ERBB4: variants seen among roughly 807,000 people sequenced by gnomAD.
ERBB4 encodes receptor tyrosine-protein kinase erbB-4.
In ERBB4, 42 loss-of-function variants were observed where a neutral mutation model predicts 158.0. That is an observed-to-expected ratio of 0.27 (90% CI 0.21 to 0.34). The LOEUF (loss-of-function observed/expected upper bound fraction) is 0.34, where lower values mean the gene tolerates loss of function less well. Among genes scored for constraint, ERBB4 ranks in the 10% least tolerant of loss-of-function variants. The probability of loss-of-function intolerance (pLI) is 1.00; values close to 1 mark genes in which losing one functional copy is unlikely to be tolerated. For synonymous variants in ERBB4, 583 were observed against 558.7 expected (o/e 1.04, Z -0.61); for missense variants, 1,333 against 1,624.1 (o/e 0.82, Z 3.08).
At position 211,697,753 on chromosome 2, in the gene ERBB4, C is replaced by T. The variant is rs551135788; in HGVS notation, c.1489+4214G>A. Among the ~76,000 whole-genome samples the T allele has an allele frequency of 7.5e-4, 114 of 152,174 alleles. No homozygotes were observed. In the South Asian group the frequency reaches 0.011, roughly 15 times the overall value. On this transcript the variant is annotated intron_variant, in intron 12 of 27. Transcript: ENST00000342788. ...AGTGATTTAAAACAGTGGTGGAAAA[C>T]GTTACTATCCCACAGTGTTTGGAAC...
chr2:211,625,888 A>G (rs1390280307), intron 17 of ERBB4, among the ~76,000 whole-genome samples: 1 of 152,228 alleles, frequency 6.6e-6, no homozygotes, highest in Non-Finnish European at 1.5e-5. Context: ...CAATAATTGC[A>G]TATTTTGAAA....
chr2:211,968,518 C>T (rs2081365157), intron 2 of ERBB4, among the ~76,000 whole-genome samples: 1 of 152,128 alleles, frequency 6.6e-6, no homozygotes, highest in South Asian at 2.1e-4. Flanking sequence ...GACTACTTCA[C>T]CCTATCAGTT....
chr2:211,698,307 C>T (rs1395856202), intron 12 of ERBB4, among the ~76,000 whole-genome samples: 3 of 137,296 alleles, frequency 2.2e-5, no homozygotes, highest in Admixed American at 7.4e-5. Context: ...AGTGAGACTC[C>T]GTCTCAGAAA....
At position 211,379,822 on chromosome 2, in the gene ERBB4, T is replaced by G. The variant is rs1170560989; in HGVS notation, c.*3793A>C. On this transcript the variant is annotated 3_prime_UTR_variant, in exon 28 of 28. Transcript: ENST00000342788. ...AAAGGTTAGAGAGCTCTAGAAAAAC[T>G]TGTATTTACATCCTTCCCTGTCAGG... 1 of 231,996 alleles carries G rather than the reference T, an allele frequency of 4.3e-6. No homozygotes were observed. Among genetic ancestry groups the G allele is most frequent in the African/African-American group, 2.2e-5 (1 of 45,292 alleles). 14.4% of individuals were successfully genotyped at this position (231,996 alleles called of 1,614,324 possible). A position where few individuals can be genotyped will look rare whatever the true frequency, so the allele number is the denominator to read the frequency against.
intron 3 of ERBB4, among the ~76,000 whole-genome samples, chr2:211,796,786 AT>A (rs1347385793): frequency 2.0e-5 from 3 of 151,972 alleles, no homozygotes; most frequent in East Asian, 3.9e-4. Flanking sequence ...TGTGTAAAAC[AT>A]TTACAAAGCA....
chr2:212,312,210 A>G (rs1171790425), intron 1 of ERBB4, among the ~76,000 whole-genome samples: 1 of 151,084 alleles, frequency 6.6e-6, no homozygotes, highest in African/African-American at 2.4e-5. Flanking sequence ...GGCCCCGGTC[A>G]GAAAAAGACC....
chr2:211,539,344 T>G (rs1225711382), intron 20 of ERBB4, among the ~76,000 whole-genome samples: 1 of 151,960 alleles, frequency 6.6e-6, no homozygotes, highest in African/African-American at 2.4e-5. Flanking sequence ...TTGTAAAAAC[T>G]TTGCAAATGC....
chr2:211,966,996 T>C (rs2125190601), intron 2 of ERBB4, among the ~76,000 whole-genome samples: 1 of 152,286 alleles, frequency 6.6e-6, no homozygotes, highest in East Asian at 1.9e-4. Context: ...TTATATATAA[T>C]GTGGTAATTA....
At chr2:211,598,196 C>T (rs2068696116) in intron 19 of ERBB4, among the ~76,000 whole-genome samples, 1 of 152,078 alleles carries the variant, frequency 6.6e-6, no homozygotes, top group South Asian at 2.1e-4. Context: ...CAAATAGGGC[C>T]AATACTTCTA....
At chr2:212,439,595 C>T (rs1294665250) in intron 1 of ERBB4, among the ~76,000 whole-genome samples, 2 of 152,054 alleles carry the variant, frequency 1.3e-5, no homozygotes, top group African/African-American at 4.8e-5. Flanking sequence ...TGTTGAAATG[C>T]ATTATTTCTG....
intron 1 of ERBB4, among the ~76,000 whole-genome samples, chr2:212,393,509 ACAAT>A (rs1166871974): frequency 2.0e-5 from 3 of 152,118 alleles, no homozygotes; most frequent in Non-Finnish European, 4.4e-5. Context: ...TTGGCTACAC[ACAAT>A]CAGACACTCT....
intron 1 of ERBB4, among the ~76,000 whole-genome samples, chr2:212,468,392 G>C (rs1410553894): frequency 6.6e-6 from 1 of 152,106 alleles, no homozygotes; most frequent in African/African-American, 2.4e-5. Context: ...GAAGATGATT[G>C]AATCATGGGG....
chr2:211,634,957 C>T (rs1022255180), intron 16 of ERBB4, among the ~76,000 whole-genome samples: 2 of 152,172 alleles, frequency 1.3e-5, no homozygotes, highest in Non-Finnish European at 2.9e-5. Flanking sequence ...CAGGCATGAG[C>T]CACCACTCCA....
intron 25 of ERBB4, among the ~76,000 whole-genome samples, chr2:211,402,504 A>G (rs1297964943): frequency 6.6e-6 from 1 of 152,096 alleles, no homozygotes; most frequent in African/African-American, 2.4e-5. Context: ...TATTTGGTTC[A>G]TTGCCAATAT....
At position 212,027,004 on chromosome 2, in the gene ERBB4, T is replaced by C. The variant is rs116215935; in HGVS notation, c.235-79388A>G. 7.5e-3 allele frequency among the ~76,000 whole-genome samples: 1,143 copies of C among 152,060 alleles called. 22 individuals carry two copies. Among genetic ancestry groups the C allele is most frequent in the African/African-American group, 0.026 (1,075 of 41,564 alleles). On this transcript the variant is annotated intron_variant, in intron 2 of 27. Coordinates refer to ENST00000342788, the MANE Select transcript of ERBB4 (RefSeq NM_005235.3). The stretch of plus-strand genomic sequence containing the variant: ...AACAATAATTAATTAATACAAATAA[T>C]AATTTGTAATATTTGTATTTGCAAA...
chr2:211,448,257 G>A (rs1296998775), intron 20 of ERBB4, among the ~76,000 whole-genome samples: 1 of 152,070 alleles, frequency 6.6e-6, no homozygotes, highest in Non-Finnish European at 1.5e-5. Context: ...ACAGGTGTGA[G>A]CCATTGCACC....
chr2:212,251,665 AG>A (rs2084538655), intron 1 of ERBB4, among the ~76,000 whole-genome samples: 1 of 151,984 alleles, frequency 6.6e-6, no homozygotes, highest in Non-Finnish European at 1.5e-5. Flanking sequence ...ATCCTGAGGT[AG>A]GGGTGTGCCC....
At chr2:212,500,982 A>AC (rs1025658759) in intron 1 of ERBB4, among the ~76,000 whole-genome samples, 1 of 151,896 alleles carries the variant, frequency 6.6e-6, no homozygotes, top group African/African-American at 2.4e-5. Context: ...AAAAGGGGGA[A>AC]ATTCATAAAT....
intron 20 of ERBB4, among the ~76,000 whole-genome samples, chr2:211,550,574 A>AATATATAT (rs376362405): frequency 0.013 from 1,744 of 136,856 alleles, 49 homozygotes; most frequent in African/African-American, 0.045. Flanking sequence ...CATTCCTTAG[A>AATATATAT]ATATATATAT....
Sources: allele counts gnomAD v4.1 joint callset (sites outside exome capture counted in the v4.1 genomes callset), GRCh38; gene constraint gnomAD v4.1.1; transcripts MANE v1.5; gene names NCBI Gene and HGNC (gene_info 2026-07-23, HGNC 2026-07-21).